The following LRRC9 variants were observed in gnomAD, a reference collection of about 807,000 sequenced individuals.
LRRC9 encodes leucine-rich repeat-containing protein 9.
In LRRC9, 122 loss-of-function variants were observed where a neutral mutation model predicts 63.2. That is an observed-to-expected ratio of 1.93 (90% CI 1.67 to 2.24). The LOEUF (loss-of-function observed/expected upper bound fraction) is 2.24, where lower values mean the gene tolerates loss of function less well. Among genes scored for constraint, LRRC9 ranks in the 30% most tolerant of loss-of-function variants. LRRC9 has a pLI of 0.00. For missense variants in LRRC9, 1,071 were observed against 627.7 expected, an observed-to-expected ratio of 1.71 and a Z score of -7.55; for synonymous variants, 366 against 213.1, an observed-to-expected ratio of 1.72 and a Z score of -6.25.
intron 8 of LRRC9, among the ~76,000 whole-genome samples, chr14:59,956,254 T>C (rs951094726): frequency 6.6e-5 from 10 of 152,152 alleles, no homozygotes; most frequent in Non-Finnish European, 1.3e-4. Flanking sequence ...TCTCCCACTA[T>C]TATTGTGTGA....
intron 29 of LRRC9, among the ~76,000 whole-genome samples, chr14:60,040,101 T>C (rs1298641423): frequency 1.3e-5 from 2 of 152,056 alleles, no homozygotes; most frequent in Non-Finnish European, 2.9e-5. Flanking sequence ...TCCTGAGTTC[T>C]AGTTTGATTG....
In LRRC9 at chr14:59,997,855, A is replaced by G. The variant is rs1285700407; in HGVS notation, c.2403+8A>G. The G allele has an allele frequency of 1.5e-6, 1 of 662,986 alleles. No homozygotes were observed. The highest frequency in any genetic ancestry group is 2.7e-6 in the Non-Finnish European group (1 of 363,898). 41.1% of individuals were successfully genotyped at this position (662,986 alleles called of 1,614,324 possible). A position where few individuals can be genotyped will look rare whatever the true frequency, so the allele number is the denominator to read the frequency against. On this transcript the variant is annotated splice_region_variant and intron_variant, in intron 18 of 31. Transcript: ENST00000445360. ...CATAATCCATGGCAAAAGGTATGCC[A>G]CAGACATGTTACTAAAAAGCAAACA... is the stretch of plus-strand genomic sequence containing the variant.
chr14:59,984,991 T>C, intron 16 of LRRC9, 114 bp from the exon 17 acceptor site: 1 of 438,642 alleles, frequency 2.3e-6, no homozygotes, highest in South Asian at 6.3e-5. Context: ...TGCTTTCTTA[T>C]TTTGTAGTAT....
At chr14:59,965,601 T>C (rs1884750797) in intron 10 of LRRC9, among the ~76,000 whole-genome samples, 1 of 151,890 alleles carries the variant, frequency 6.6e-6, no homozygotes, top group South Asian at 2.1e-4. Context: ...AATTAGATAC[T>C]GGGGCCGGGC....
Position 60,042,355 on chromosome 14 carries a change from C to T in LRRC9, c.3990+10292C>T, listed in dbSNP as rs146857159. Among the ~76,000 whole-genome samples the T allele has an allele frequency of 3.4e-3, 514 of 152,338 alleles. 18 individuals are homozygous for T. In the East Asian group the frequency reaches 0.058, roughly 17 times the overall value. On this transcript the variant is annotated intron_variant, in intron 29 of 31. Coordinates refer to ENST00000445360, the Ensembl canonical transcript of LRRC9. The surrounding 1 kb of genome is among the most constrained non-coding windows in gnomAD (Gnocchi z 4.2). ...TATGCCCTGCCCCCAGAGGTGGAGT[C>T]TACAGAGGCAGGCAGGCCTCCTTGA...
At chr14:60,055,291 T>C (rs1021497266) in intron 30 of LRRC9, among the ~76,000 whole-genome samples, 2 of 152,262 alleles carry the variant, frequency 1.3e-5, no homozygotes, top group Non-Finnish European at 2.9e-5. Flanking sequence ...CATTGATCTA[T>C]ATGATGTAAC....
chr14:60,045,736 C>T (rs901578933), intron 29 of LRRC9, among the ~76,000 whole-genome samples: 5 of 152,088 alleles, frequency 3.3e-5, no homozygotes, highest in African/African-American at 4.8e-5. Context: ...AGTAAACAAA[C>T]GCGTTCATGT....
At chr14:60,032,874 T>G (rs72718049) in intron 29 of LRRC9, among the ~76,000 whole-genome samples, 1 of 152,136 alleles carries the variant, frequency 6.6e-6, no homozygotes, top group Non-Finnish European at 1.5e-5. Context: ...AGAGAGGAAG[T>G]GAAGGGGTTG....
intron 8 of LRRC9, among the ~76,000 whole-genome samples, chr14:59,952,077 T>A (rs1186547771): frequency 1.3e-5 from 2 of 152,058 alleles, no homozygotes; most frequent in Non-Finnish European, 1.5e-5. Flanking sequence ...GCCTGGGCAA[T>A]GGCAGGCGCC....
chr14:60,008,158 C>T (rs572056072), exon 23 of LRRC9: 63 of 701,376 alleles, frequency 9.0e-5, no homozygotes, highest in Admixed American at 2.6e-4. Context: ...AGAAAACTAC[C>T]GGTTGTTTGT....
At chr14:59,980,856 C>T (rs1886851347) in intron 15 of LRRC9, among the ~76,000 whole-genome samples, 1 of 152,180 alleles carries the variant, frequency 6.6e-6, no homozygotes, top group East Asian at 1.9e-4. Flanking sequence ...CAATACCTGG[C>T]AGTTGTGACC....
rs1884490895 is a variant in LRRC9 at position 59,962,960 on chromosome 14, AAAG to A, written c.1211+1916_1211+1918del. Among the ~76,000 whole-genome samples, 1 of 152,190 alleles carries A rather than the reference AAAG, an allele frequency of 6.6e-6. No homozygotes were observed. Among genetic ancestry groups the A allele is most frequent in the South Asian group, 2.1e-4 (1 of 4,834 alleles). ...TATCAAATATATGTTAGCAGAATTT[AAAG>A]TACTGTTTTTTAGTTTTAGCATACT... On this transcript the variant is annotated intron_variant, in intron 10 of 31. Coordinates refer to ENST00000445360, the Ensembl canonical transcript of LRRC9. The surrounding 1 kb of genome is among the most constrained non-coding windows in gnomAD (Gnocchi z 5.1).
chr14:59,936,048 A>G lies in LRRC9; in HGVS notation c.544-2342A>G, dbSNP rs1231693124. On this transcript the variant is annotated intron_variant, in intron 6 of 31. Transcript: ENST00000445360. The surrounding 1 kb of genome is among the most constrained non-coding windows in gnomAD (Gnocchi z 4.2). ...TGCTCTGCCTCATACTAGAGGCAGC[A>G]TAATACGGTGGAACATGAAGTTTTG... Among the ~76,000 whole-genome samples, 6 of 152,214 alleles carry G rather than the reference A, an allele frequency of 3.9e-5. No homozygotes were observed. Among genetic ancestry groups the G allele is most frequent in the African/African-American group, 1.4e-4 (6 of 41,464 alleles).
At chr14:60,022,225 C>T (rs1300597131) in intron 26 of LRRC9, among the ~76,000 whole-genome samples, 2 of 151,596 alleles carry the variant, frequency 1.3e-5, no homozygotes, top group African/African-American at 2.4e-5. Context: ...TAAATTTATG[C>T]TGAAGTATTT....
intron 29 of LRRC9, among the ~76,000 whole-genome samples, chr14:60,032,787 C>G (rs1892097064): frequency 6.6e-6 from 1 of 152,140 alleles, no homozygotes; most frequent in Non-Finnish European, 1.5e-5. Context: ...AGGAGAGCTT[C>G]TCTTGGAGAG....
chr14:59,946,186 T>C (rs920388384), intron 8 of LRRC9, among the ~76,000 whole-genome samples: 2 of 151,438 alleles, frequency 1.3e-5, no homozygotes, highest in African/African-American at 2.4e-5. Context: ...GAATAGTGTG[T>C]AGCTATTAAT....
chr14:60,029,135 A>G (rs769109369), intron 28 of LRRC9, among the ~76,000 whole-genome samples: 1 of 152,150 alleles, frequency 6.6e-6, no homozygotes, highest in East Asian at 1.9e-4. Context: ...AATCTAAATT[A>G]GGAAAATTGC....
Position 60,007,940 on chromosome 14 carries a change from T to TA in LRRC9, c.3064-130dup, listed in dbSNP as rs398043778. 3.2e-4 allele frequency among the ~76,000 whole-genome samples: 40 copies of TA among 126,916 alleles called. 1 individual carries two copies. Among genetic ancestry groups the TA allele is most frequent in the African/African-American group, 1.1e-3 (36 of 33,222 alleles). 83.3% of individuals were successfully genotyped at this position (126,916 alleles called of 152,430 possible). A position where few individuals can be genotyped will look rare whatever the true frequency, so the allele number is the denominator to read the frequency against. ...GAGCAACAGCACGAGACCATGTCTTTAAAAAAAAAAAAAAAAAAAAAAGTA... is the reference window on the plus strand; with the variant it reads ...GAGCAACAGCACGAGACCATGTCTTTAAAAAAAAAAAAAAAAAAAAAAAGTA... On this transcript the variant is annotated intron_variant, in intron 22 of 31. Coordinates refer to ENST00000445360, the Ensembl canonical transcript of LRRC9.
chr14:59,956,804 C>G (rs1883802407), intron 8 of LRRC9, among the ~76,000 whole-genome samples: 1 of 151,386 alleles, frequency 6.6e-6, no homozygotes, highest in African/African-American at 2.4e-5. Context: ...TTTAGTGCTT[C>G]CTCTTGTAAG....
Sources: gnomAD v4.1 joint callset for allele counts (sites outside exome capture counted in the v4.1 genomes callset) on GRCh38, gnomAD v4.1.1 for gene constraint, Gnocchi (gnomAD v3.1) non-coding constraint, MANE v1.5 for transcripts, NCBI Gene and HGNC (gene_info 2026-07-23, HGNC 2026-07-21) for gene names.